Variants in GARIN2 observed in about 807,000 individuals in gnomAD.
GARIN2 encodes the protein golgi associated RAB2 interactor family member 2, also known as Golgi-associated RAB2 interactor protein 2.
At chr14:67,199,397 G>A in the GARIN2 span, 1 of 1,613,876 alleles carries the variant, frequency 6.2e-7, no homozygotes, top group Non-Finnish European at 8.5e-7. Flanking sequence ...TGAGATTGAT[G>A]AGAAGTTGCT....
the GARIN2 span, chr14:67,200,270 C>A: frequency 2.6e-6 from 2 of 775,550 alleles, no homozygotes; most frequent in Non-Finnish European, 4.2e-6. Flanking sequence ...CAACCAGGCC[C>A]ACTCCCCAGC....
the GARIN2 span, among the ~76,000 whole-genome samples, chr14:67,211,435 G>A: frequency 1.3e-5 from 2 of 152,044 alleles, no homozygotes; most frequent in Non-Finnish European, 2.9e-5. Context: ...GAGGAGAACT[G>A]GGGAAAAGAG....
At chr14:67,194,518 T>C in the GARIN2 span, among the ~76,000 whole-genome samples, 32 of 152,070 alleles carry the variant, frequency 2.1e-4, no homozygotes, top group Non-Finnish European at 4.3e-4. Flanking sequence ...CTATTTTTTT[T>C]CCCCCAAGAC....
the GARIN2 span, chr14:67,198,199 A>G: frequency 5.1e-5 from 83 of 1,613,774 alleles, no homozygotes; most frequent in Admixed American, 8.3e-5. Flanking sequence ...ATGAGGATCA[A>G]TAAGCAAGAT....
At chr14:67,194,860 G>A in the GARIN2 span, among the ~76,000 whole-genome samples, 1 of 152,170 alleles carries the variant, frequency 6.6e-6, no homozygotes, top group East Asian at 1.9e-4. Context: ...GTTTCACAAC[G>A]TTGGCCAGGC....
At chr14:67,190,379 A>G in the GARIN2 span, among the ~76,000 whole-genome samples, 8 of 149,144 alleles carry the variant, frequency 5.4e-5, no homozygotes, top group East Asian at 6.0e-4. Context: ...ACACACCACC[A>G]TGCCTGGCTA....
At chr14:67,202,928 G>A in the GARIN2 span, 1 of 289,896 alleles carries the variant, frequency 3.4e-6, no homozygotes, top group Non-Finnish European at 5.2e-6. Context: ...GGCTGTGTCT[G>A]TTCCCTGCGG....
the GARIN2 span, among the ~76,000 whole-genome samples, chr14:67,196,223 C>CTTTTTTTTT: frequency 0.012 from 1,647 of 142,930 alleles, 19 homozygotes; most frequent in Non-Finnish European, 0.018. Context: ...TTCTTTCTTT[C>CTTTTTTTTT]TTTTTTTTTT....
At chr14:67,196,397 A>G in the GARIN2 span, among the ~76,000 whole-genome samples, 3 of 151,842 alleles carry the variant, frequency 2.0e-5, no homozygotes, top group African/African-American at 7.2e-5. Flanking sequence ...TTATATTTTC[A>G]GTAGAGACAG....
At chr14:67,208,040 C>G in the GARIN2 span, 1 of 625,686 alleles carries the variant, frequency 1.6e-6, no homozygotes, top group African/African-American at 2.0e-5. Context: ...CGGGGCTCTC[C>G]CAATGGTCGT....
the GARIN2 span, chr14:67,202,949 A>G: frequency 1.1e-6 from 1 of 878,218 alleles, no homozygotes. Flanking sequence ...TATCTCCAAG[A>G]ATTAGCATGA....
the GARIN2 span, chr14:67,221,636 A>C: frequency 6.6e-6 from 8 of 1,218,278 alleles, no homozygotes; most frequent in African/African-American, 4.6e-5. Context: ...TATAATCAGC[A>C]ATGGCCTAGG....
chr14:67,224,020 G>A, the GARIN2 span: 2 of 970,362 alleles, frequency 2.1e-6, no homozygotes, highest in Non-Finnish European at 2.5e-6. Context: ...CAAATTCCTG[G>A]CATTATTAAG....
the GARIN2 span, among the ~76,000 whole-genome samples, chr14:67,201,203 A>G: frequency 3.3e-5 from 5 of 152,170 alleles, no homozygotes; most frequent in Non-Finnish European, 4.4e-5. Context: ...CTGAGGAGGG[A>G]GGATTGCTTA....
chr14:67,219,311 G>A, the GARIN2 span, among the ~76,000 whole-genome samples: 1 of 152,246 alleles, frequency 6.6e-6, no homozygotes, highest in African/African-American at 2.4e-5. Context: ...TCCTGACTCT[G>A]GGCAGATCTA....
At chr14:67,199,217 G>A in the GARIN2 span, 2 of 1,606,714 alleles carry the variant, frequency 1.2e-6, no homozygotes, top group Non-Finnish European at 1.7e-6. Context: ...TCACTGGCCA[G>A]CACCAAGGCT....
At chr14:67,201,531 G>C in the GARIN2 span, 1 of 455,964 alleles carries the variant, frequency 2.2e-6, no homozygotes, top group Non-Finnish European at 4.4e-6. Context: ...TGGTGGCTCT[G>C]AGAAACGTTT....
chr14:67,220,319 T>G, the GARIN2 span, among the ~76,000 whole-genome samples: 1 of 152,102 alleles, frequency 6.6e-6, no homozygotes, highest in Non-Finnish European at 1.5e-5. Flanking sequence ...AGTGCACACC[T>G]GAGGTCCCAG....
chr14:67,199,112 G>A, the GARIN2 span: 2 of 1,261,838 alleles, frequency 1.6e-6, no homozygotes, highest in Non-Finnish European at 2.3e-6. Context: ...CTGTGTACGT[G>A]GGGGGCCTGA....
Sources: allele counts gnomAD v4.1 joint callset (sites outside exome capture counted in the v4.1 genomes callset), GRCh38; gene constraint gnomAD v4.1.1; transcripts MANE v1.5; gene names NCBI Gene and HGNC (gene_info 2026-07-23, HGNC 2026-07-21).